SHISA9: variants seen among roughly 807,000 people sequenced by gnomAD.
SHISA9 encodes the protein protein shisa-9.
Under a neutral mutation model 38.0 loss-of-function variants are expected in SHISA9, and 13 were observed. The ratio of observed to expected loss-of-function variants is 0.34; its 90% CI spans 0.22 to 0.54. The LOEUF (loss-of-function observed/expected upper bound fraction) is 0.54. Among genes scored for constraint, SHISA9 ranks in the 20% least tolerant of loss-of-function variants. The probability of loss-of-function intolerance (pLI) is 0.91; values close to 1 mark genes in which losing one functional copy is unlikely to be tolerated. For missense variants in SHISA9, 538 were observed against 575.8 expected (o/e 0.93, Z 0.67); for synonymous variants, 275 against 242.0 (o/e 1.14, Z -1.27).
chr16:13,186,566 G>T (rs1403753595), intron 2 of SHISA9, among the ~76,000 whole-genome samples: 1 of 152,084 alleles, frequency 6.6e-6, no homozygotes, highest in Non-Finnish European at 1.5e-5. Context: ...AAAGTGCTGA[G>T]ATTACAGGTG....
chr16:13,482,823 A>G, the SHISA9 span, among the ~76,000 whole-genome samples: 43 of 144,184 alleles, frequency 3.0e-4, no homozygotes, highest in African/African-American at 1.0e-3. Flanking sequence ...AAAAAGAGAG[A>G]GAGAGACGTG....
the SHISA9 span, among the ~76,000 whole-genome samples, chr16:13,388,850 G>A: frequency 0.16 from 24,583 of 152,000 alleles, 2,116 homozygotes; most frequent in African/African-American, 0.19. Context: ...AAATTTCCAC[G>A]TCTAGTAGCA....
At chr16:12,970,368 TAC>T (rs1171645165) in intron 2 of SHISA9, among the ~76,000 whole-genome samples, 1 of 87,820 alleles carries the variant, frequency 1.1e-5, no homozygotes, top group Non-Finnish European at 2.1e-5. Flanking sequence ...TATATATATA[TAC>T]ATATATATAT....
chr16:13,217,711 C>T (rs930346286), intron 4 of SHISA9, among the ~76,000 whole-genome samples: 4 of 152,144 alleles, frequency 2.6e-5, no homozygotes, highest in African/African-American at 4.8e-5. Flanking sequence ...TCTTAGTCAT[C>T]CTGATGGAAT....
intron 4 of SHISA9, among the ~76,000 whole-genome samples, chr16:13,233,057 G>T (rs570762656): frequency 1.3e-5 from 2 of 152,278 alleles, no homozygotes; most frequent in East Asian, 3.9e-4. Context: ...ACATGTTTTG[G>T]GGTAAAATAT....
the SHISA9 span, among the ~76,000 whole-genome samples, chr16:13,504,781 ACAT>A: frequency 6.6e-6 from 1 of 152,170 alleles, no homozygotes; most frequent in Non-Finnish European, 1.5e-5. Flanking sequence ...TCTAGTACTC[ACAT>A]CATCTCTATA....
At chr16:13,555,480 G>T in the SHISA9 span, among the ~76,000 whole-genome samples, 4 of 152,310 alleles carry the variant, frequency 2.6e-5, no homozygotes, top group East Asian at 7.7e-4. Flanking sequence ...CAAAGGATAC[G>T]TGGGGGTTAC....
intron 2 of SHISA9, among the ~76,000 whole-genome samples, chr16:13,183,029 T>G (rs368864977): frequency 2.6e-5 from 4 of 152,320 alleles, no homozygotes; most frequent in Admixed American, 6.5e-5. Flanking sequence ...TACACGTGGC[T>G]ATTCATGTAG....
intron 2 of SHISA9, among the ~76,000 whole-genome samples, chr16:13,089,035 T>C (rs1334373937): frequency 3.9e-5 from 6 of 152,248 alleles, no homozygotes; most frequent in African/African-American, 1.4e-4. Context: ...TTGAATTTTG[T>C]TGAAGGCCTT....
chr16:13,171,422 G>A (rs924099915), intron 2 of SHISA9, among the ~76,000 whole-genome samples: 1 of 151,484 alleles, frequency 6.6e-6, no homozygotes, highest in Non-Finnish European at 1.5e-5. Flanking sequence ...TGGGGTAGAT[G>A]TCATGGAGGA....
chr16:13,048,161 C>A (rs577676831), intron 2 of SHISA9, among the ~76,000 whole-genome samples: 16 of 152,262 alleles, frequency 1.1e-4, no homozygotes, highest in African/African-American at 3.1e-4. Flanking sequence ...ATTTGCACAG[C>A]GTATAACTCA....
At chr16:13,401,846 G>T in the SHISA9 span, among the ~76,000 whole-genome samples, 3 of 152,190 alleles carry the variant, frequency 2.0e-5, no homozygotes, top group Admixed American at 6.5e-5. Context: ...CGCATGGCTG[G>T]GGAGGCCTCA....
At chr16:13,103,224 C>T (rs758042704) in intron 2 of SHISA9, among the ~76,000 whole-genome samples, 42 of 152,106 alleles carry the variant, frequency 2.8e-4, no homozygotes, top group African/African-American at 8.9e-4. Context: ...AACACTCTTC[C>T]GGAACTTCAC....
At chr16:13,186,250 T>A (rs938417374) in intron 2 of SHISA9, among the ~76,000 whole-genome samples, 3 of 151,478 alleles carry the variant, frequency 2.0e-5, no homozygotes, top group Non-Finnish European at 4.4e-5. Context: ...TGTGTGAAAT[T>A]GTGGGGAAAA....
chr16:12,960,970 G>A lies in SHISA9; in HGVS notation c.691+44155G>A, dbSNP rs565589758. ...GAGTCTATTTTGGGAGTGGTGGGGG[G>A]CAGACACTAAACAGCTAGCAGTGCA... On this transcript the variant is annotated intron_variant, in intron 2 of 4. Coordinates refer to ENST00000558583, the MANE Select transcript of SHISA9 (RefSeq NM_001145204.3). Among the ~76,000 whole-genome samples the A allele has an allele frequency of 1.3e-4, 20 of 152,002 alleles. No homozygotes were observed. In the East Asian group the frequency reaches 3.3e-3, roughly 25 times the overall value.
chr16:13,280,419 C>T, the SHISA9 span, among the ~76,000 whole-genome samples: 1 of 151,590 alleles, frequency 6.6e-6, no homozygotes, highest in African/African-American at 2.4e-5. Context: ...TATTTTCTGA[C>T]TTGTTCATCG....
chr16:12,956,076 G>A (rs865999344), intron 2 of SHISA9, among the ~76,000 whole-genome samples: 30 of 152,040 alleles, frequency 2.0e-4, no homozygotes, highest in African/African-American at 5.6e-4. Context: ...AAACAACCCC[G>A]TTAAAAACTG....
intron 2 of SHISA9, among the ~76,000 whole-genome samples, chr16:13,083,606 C>T (rs1183198009): frequency 6.6e-6 from 1 of 152,216 alleles, no homozygotes; most frequent in African/African-American, 2.4e-5. Flanking sequence ...GCATCAATTG[C>T]ATCTCAGAGC....
chr16:13,070,009 G>A (rs4781393), intron 2 of SHISA9, among the ~76,000 whole-genome samples: 10,764 of 152,098 alleles, frequency 0.071, 536 homozygotes, highest in Admixed American at 0.15. Flanking sequence ...GTGTTTTGTC[G>A]TAGCAGCTCA....
Sources: gnomAD v4.1 joint callset for allele counts (sites outside exome capture counted in the v4.1 genomes callset) on GRCh38, gnomAD v4.1.1 for gene constraint, MANE v1.5 for transcripts, NCBI Gene and HGNC (gene_info 2026-07-23, HGNC 2026-07-21) for gene names.